The following RELN variants were observed in gnomAD, a reference collection of about 807,000 sequenced individuals.
RELN encodes the protein reelin.
RELN carries 108 observed loss-of-function variants against 427.6 expected under a neutral mutation model. The ratio of observed to expected loss-of-function variants is 0.25; its 90% CI spans 0.22 to 0.30. The LOEUF (loss-of-function observed/expected upper bound fraction) is 0.30, where lower values mean the gene tolerates loss of function less well. RELN is among the 10% of genes least tolerant of loss of function. The pLI is 1.00. For synonymous variants in RELN, 1,524 were observed against 1,513.4 expected, an observed-to-expected ratio of 1.01 and a Z score of -0.16; for missense variants, 3,715 against 4,302.8, an observed-to-expected ratio of 0.86 and a Z score of 3.82.
chr7:103,850,260 A>G (rs931876738), intron 2 of RELN, among the ~76,000 whole-genome samples: 1 of 152,210 alleles, frequency 6.6e-6, no homozygotes, highest in Non-Finnish European at 1.5e-5. Flanking sequence ...GACACCCCAA[A>G]TACTGTGAGT....
chr7:103,682,886 C>T (rs913273316), intron 10 of RELN, among the ~76,000 whole-genome samples: 5 of 151,910 alleles, frequency 3.3e-5, no homozygotes, highest in African/African-American at 1.2e-4. Context: ...CAAAAGAACA[C>T]ATAAAAAATA....
chr7:103,693,673 C>T (rs1409048611), intron 10 of RELN, among the ~76,000 whole-genome samples: 4 of 152,010 alleles, frequency 2.6e-5, no homozygotes, highest in Non-Finnish European at 4.4e-5. Flanking sequence ...ATCCTCTAGG[C>T]CTACATAGGA....
chr7:103,875,758 T>A (rs911621909), intron 2 of RELN, among the ~76,000 whole-genome samples: 11 of 152,152 alleles, frequency 7.2e-5, no homozygotes, highest in South Asian at 4.1e-4. Context: ...CTCAAAACCC[T>A]GAATCTGTCT....
chr7:103,987,204 CT>C (rs1293416717), intron 1 of RELN, among the ~76,000 whole-genome samples: 2 of 151,984 alleles, frequency 1.3e-5, no homozygotes, highest in African/African-American at 4.8e-5. Flanking sequence ...ATAATTTGAC[CT>C]TTCATAACTT....
At chr7:103,485,480 A>G (rs919051107) in intron 61 of RELN, among the ~76,000 whole-genome samples, 2 of 152,232 alleles carry the variant, frequency 1.3e-5, no homozygotes, top group African/African-American at 4.8e-5. Context: ...TCAGCATTCA[A>G]GAAATACTCT....
intron 20 of RELN, among the ~76,000 whole-genome samples, chr7:103,621,658 C>T (rs573877607): frequency 6.6e-6 from 1 of 152,254 alleles, no homozygotes; most frequent in South Asian, 2.1e-4. Flanking sequence ...GCTGCAGAGG[C>T]TGACCCACAT....
At chr7:103,696,078 TG>T (rs1359855121) in intron 10 of RELN, among the ~76,000 whole-genome samples, 1 of 152,136 alleles carries the variant, frequency 6.6e-6, no homozygotes, top group African/African-American at 2.4e-5. Context: ...GTTTTTCTGG[TG>T]CTCAACTCTA....
rs73408792 is a variant in RELN, at chr7:103,684,705, A to G, written c.1144-2444T>C. On this transcript the variant is annotated intron_variant, in intron 10 of 64. Coordinates refer to ENST00000428762, the MANE Select transcript of RELN (RefSeq NM_005045.4). The stretch of plus-strand genomic sequence containing the variant: ...CTCGGTTTCTCAGGTTGTAGAATGG[A>G]ACCAATAATATCTACCTGCTAGAGG... Among the ~76,000 whole-genome samples the G allele has an allele frequency of 6.0e-3, 921 of 152,274 alleles. 8 individuals are homozygous for G. The highest frequency in any genetic ancestry group is 0.022 in the African/African-American group (895 of 41,546).
intron 3 of RELN, among the ~76,000 whole-genome samples, chr7:103,789,527 T>C (rs969406210): frequency 1.3e-5 from 2 of 152,080 alleles, no homozygotes; most frequent in African/African-American, 4.8e-5. Flanking sequence ...GTGAAGGATA[T>C]GAACAGACAC....
chr7:103,694,696 T>C (rs1181066705), intron 10 of RELN, among the ~76,000 whole-genome samples: 2 of 152,094 alleles, frequency 1.3e-5, no homozygotes, highest in Non-Finnish European at 2.9e-5. Flanking sequence ...ATAATCAAGA[T>C]GGAAACACCT....
intron 2 of RELN, among the ~76,000 whole-genome samples, chr7:103,878,521 T>C (rs759846083): frequency 6.6e-6 from 1 of 151,876 alleles, no homozygotes; most frequent in African/African-American, 2.4e-5. Flanking sequence ...GAAACAAGAG[T>C]AGGTGTTCAC....
At chr7:103,901,145 A>G (rs1356674009) in intron 2 of RELN, among the ~76,000 whole-genome samples, 1 of 152,214 alleles carries the variant, frequency 6.6e-6, no homozygotes, top group East Asian at 1.9e-4. Flanking sequence ...CAATAAGCAC[A>G]TAAAAATATA....
rs1296776952 is a variant in RELN, at chr7:103,478,379, G to C, written c.10286+10C>G. On this transcript the variant is annotated intron_variant, in intron 64 of 64. Transcript: ENST00000428762. ...TAAACAGTTCCCCAGATTTAGTAAG[G>C]AGGACTTACCTTACTCTAGTGGAAA... 1 of 757,982 alleles carries C rather than the reference G, an allele frequency of 1.3e-6. No homozygotes were observed. The highest frequency in any genetic ancestry group is 2.4e-6 in the Non-Finnish European group (1 of 414,096). 47.0% of individuals were successfully genotyped at this position (757,982 alleles called of 1,614,324 possible).
intron 4 of RELN, among the ~76,000 whole-genome samples, chr7:103,771,022 C>A (rs1791556252): frequency 6.7e-6 from 1 of 148,558 alleles, no homozygotes; most frequent in South Asian, 2.1e-4. Flanking sequence ...TTAAGCGATT[C>A]TCTTGTACTC....
At chr7:103,911,883 T>C (rs1253331725) in intron 2 of RELN, among the ~76,000 whole-genome samples, 25 of 142,980 alleles carry the variant, frequency 1.7e-4, no homozygotes, top group Middle Eastern at 3.5e-3. Context: ...AGAGATAGCA[T>C]TGGGAGATAT....
rs930626026 is a variant in RELN at position 103,577,132 on chromosome 7, G to A, written c.4146-1427C>T. Reference sequence around the variant, plus strand: ...GTTAATCCAGCTTCTTAGTACACAAGGATAAAGAATCTTAAAGATTAATGA... The same window carrying A: ...GTTAATCCAGCTTCTTAGTACACAAAGATAAAGAATCTTAAAGATTAATGA... On this transcript the variant is annotated intron_variant, in intron 28 of 64. Coordinates refer to ENST00000428762, the MANE Select transcript of RELN (RefSeq NM_005045.4). Among the ~76,000 whole-genome samples the A allele has an allele frequency of 2.0e-5, 3 of 152,072 alleles. No individual in the cohort carries two copies. The East Asian group carries it at 5.8e-4, about 29-fold the overall frequency.
chr7:103,496,264 T>G (rs1828838471), intron 56 of RELN, among the ~76,000 whole-genome samples: 1 of 152,162 alleles, frequency 6.6e-6, no homozygotes, highest in African/African-American at 2.4e-5. Context: ...CTAAAATTAT[T>G]TTCGGGTATT....
At chr7:103,638,265 C>T (rs560666119) in intron 17 of RELN, among the ~76,000 whole-genome samples, 1 of 152,092 alleles carries the variant, frequency 6.6e-6, no homozygotes, top group South Asian at 2.1e-4. Flanking sequence ...TGTTAAGCTA[C>T]ATGGATGACA....
intron 10 of RELN, among the ~76,000 whole-genome samples, chr7:103,688,720 T>C (rs1833812142): frequency 6.6e-6 from 1 of 152,080 alleles, no homozygotes; most frequent in Non-Finnish European, 1.5e-5. Flanking sequence ...AATAAAAGAT[T>C]CAGTTCTTAT....
Sources: gnomAD v4.1 joint callset for allele counts (sites outside exome capture counted in the v4.1 genomes callset) on GRCh38, gnomAD v4.1.1 for gene constraint, MANE v1.5 for transcripts, NCBI Gene and HGNC (gene_info 2026-07-23, HGNC 2026-07-21) for gene names.